ASTN2: variants seen among roughly 807,000 people sequenced by gnomAD.
The protein encoded by ASTN2 is astrotactin-2.
Under a neutral mutation model 139.8 loss-of-function variants are expected in ASTN2, and 54 were observed. The ratio of observed to expected loss-of-function variants is 0.39; its 90% CI spans 0.31 to 0.48. The LOEUF is 0.48. ASTN2 is among the 20% of genes least tolerant of loss of function. ASTN2 has a pLI of 0.95. For missense variants in ASTN2, 1,565 were observed against 1,725.1 expected (o/e 0.91, Z 1.64); for synonymous variants, 756 against 719.5 (o/e 1.05, Z -0.81).
At chr9:116,640,035 G>C (rs1208272444) in intron 17 of ASTN2, among the ~76,000 whole-genome samples, 2 of 152,042 alleles carry the variant, frequency 1.3e-5, no homozygotes, top group African/African-American at 2.4e-5. Context: ...CTGGTTTCAT[G>C]AAGTTTACCT....
chr9:116,786,687 T>A (rs1830387823), intron 13 of ASTN2, among the ~76,000 whole-genome samples: 1 of 152,202 alleles, frequency 6.6e-6, no homozygotes, highest in Non-Finnish European at 1.5e-5. Flanking sequence ...ACTGTTTGTG[T>A]TTTTAAACTT....
rs1008893191 is a variant in ASTN2, at chr9:117,394,610, T to C, written c.442+19887A>G. 2.6e-5 allele frequency among the ~76,000 whole-genome samples: 4 copies of C among 152,284 alleles called. No homozygotes were observed. In the South Asian group the frequency reaches 8.3e-4, roughly 32 times the overall value. ...ATGTTTCTGTGAGGAAAGTAGCTTA[T>C]ACGAAACAGGTAAGTTCCACCAGCA... is the stretch of plus-strand genomic sequence containing the variant. On this transcript the variant is annotated intron_variant, in intron 1 of 22. Coordinates refer to ENST00000313400, the MANE Select transcript of ASTN2 (RefSeq NM_001365068.1).
intron 1 of ASTN2, among the ~76,000 whole-genome samples, chr9:117,368,932 T>C (rs1316560035): frequency 2.6e-5 from 4 of 152,182 alleles, no homozygotes; most frequent in Non-Finnish European, 4.4e-5. Context: ...AGAATAGTTC[T>C]GCTTGAACTT....
At chr9:117,339,294 G>A (rs1167147584) in intron 1 of ASTN2, among the ~76,000 whole-genome samples, 2 of 152,070 alleles carry the variant, frequency 1.3e-5, no homozygotes, top group Non-Finnish European at 2.9e-5. Context: ...CTAACTCCAC[G>A]AGCGCTCTTT....
chr9:117,289,667 A>G (rs905288212), intron 2 of ASTN2, among the ~76,000 whole-genome samples: 15 of 152,210 alleles, frequency 9.9e-5, no homozygotes, highest in African/African-American at 2.9e-4. Context: ...TCTTCCTAAC[A>G]TTAGATGGTG....
chr9:116,895,431 G>A (rs1272950890), intron 10 of ASTN2, among the ~76,000 whole-genome samples: 22 of 152,114 alleles, frequency 1.4e-4, no homozygotes. Context: ...TAAGCACCAG[G>A]GGTCAAGTCT....
At position 116,512,967 on chromosome 9, in the gene ASTN2, G is replaced by C. The variant is rs149821038; in HGVS notation, c.3356-25467C>G. 8.1e-3 allele frequency among the ~76,000 whole-genome samples: 1,235 copies of C among 152,250 alleles called. 29 individuals are homozygous for C. The highest frequency in any genetic ancestry group is 0.066 in the East Asian group (341 of 5,176). ...GACTCTTTATCCAATTTGCCAATCT[G>C]TGTCTTTTAATCGGAGCATTTAGCC... On this transcript the variant is annotated intron_variant, in intron 19 of 22. Coordinates refer to ENST00000313400, the MANE Select transcript of ASTN2 (RefSeq NM_001365068.1).
At chr9:117,100,503 G>C (rs968121067) in intron 4 of ASTN2, among the ~76,000 whole-genome samples, 12 of 152,158 alleles carry the variant, frequency 7.9e-5, no homozygotes, top group Admixed American at 7.9e-4. Context: ...TTAACATAAA[G>C]TTATTACCGA....
At chr9:117,016,788 G>GTT (rs1837723370) in intron 6 of ASTN2, among the ~76,000 whole-genome samples, 2 of 56,940 alleles carry the variant, frequency 3.5e-5, no homozygotes. Context: ...ATATATATAG[G>GTT]TTATATATAG....
intron 13 of ASTN2, among the ~76,000 whole-genome samples, chr9:116,746,824 C>T (rs1350038861): frequency 6.6e-6 from 1 of 152,118 alleles, no homozygotes; most frequent in Non-Finnish European, 1.5e-5. Context: ...CTCATTGGAC[C>T]ATGAGCACTC....
intron 2 of ASTN2, among the ~76,000 whole-genome samples, chr9:117,216,232 T>G (rs758323758): frequency 1.3e-5 from 2 of 152,244 alleles, no homozygotes; most frequent in Non-Finnish European, 1.5e-5. Context: ...GCCATCCTGC[T>G]GACTGTATTT....
At chr9:116,480,524 A>C (rs1217162427) in intron 20 of ASTN2, among the ~76,000 whole-genome samples, 1 of 152,218 alleles carries the variant, frequency 6.6e-6, no homozygotes, top group Non-Finnish European at 1.5e-5. Context: ...GCAGGCACAG[A>C]CCTTGGTCCA....
At chr9:116,882,526 A>G (rs540499229) in intron 10 of ASTN2, among the ~76,000 whole-genome samples, 5 of 152,306 alleles carry the variant, frequency 3.3e-5, no homozygotes, top group African/African-American at 1.2e-4. Flanking sequence ...AACAGTCATT[A>G]TGTTTGAGCT....
At position 116,698,295 on chromosome 9, in the gene ASTN2, C is replaced by T; in HGVS notation, c.2806+27476G>A. ...CCTTCAGGCAAGGTATAAAGCAGTTCTCCAGGAGTATGGGCATGAGGAGCG... is the reference window on the plus strand; with the variant it reads ...CCTTCAGGCAAGGTATAAAGCAGTTTTCCAGGAGTATGGGCATGAGGAGCG... On this transcript the variant is annotated intron_variant, in intron 16 of 22. Coordinates refer to ENST00000313400, the MANE Select transcript of ASTN2 (RefSeq NM_001365068.1). The surrounding 1 kb of genome is among the most constrained non-coding windows in gnomAD (Gnocchi z 4.4). The T allele has an allele frequency of 1.2e-6, 2 of 1,614,156 alleles. No homozygotes were observed. The highest frequency in any genetic ancestry group is 1.7e-6 in the Non-Finnish European group (2 of 1,180,034).
intron 17 of ASTN2, among the ~76,000 whole-genome samples, chr9:116,633,993 C>A (rs548325688): frequency 6.6e-6 from 1 of 152,002 alleles, no homozygotes; most frequent in Admixed American, 6.6e-5. Context: ...TTACACGTGA[C>A]GGAGGGATGG....
At chr9:116,461,090 T>C (rs989426313) in intron 20 of ASTN2, among the ~76,000 whole-genome samples, 13 of 152,060 alleles carry the variant, frequency 8.5e-5, no homozygotes, top group Non-Finnish European at 1.6e-4. Flanking sequence ...CCCAGTTCCT[T>C]CCCTCACCTC....
chr9:116,638,130 T>C (rs143828482), intron 17 of ASTN2, among the ~76,000 whole-genome samples: 67 of 152,292 alleles, frequency 4.4e-4, no homozygotes, highest in Non-Finnish European at 8.8e-4. Flanking sequence ...TTTCTTCTCG[T>C]AGCCTCTGTT....
intron 4 of ASTN2, among the ~76,000 whole-genome samples, chr9:117,105,622 A>G (rs976789112): frequency 4.6e-5 from 7 of 152,128 alleles, no homozygotes; most frequent in African/African-American, 1.7e-4. Flanking sequence ...TTGGGATGTT[A>G]TATCATGCAA....
chr9:116,713,734 G>C (rs1564227562), intron 16 of ASTN2, among the ~76,000 whole-genome samples: 2 of 152,124 alleles, frequency 1.3e-5, no homozygotes, highest in Admixed American at 6.5e-5. Flanking sequence ...CTGTGCCTTT[G>C]GGTTGTATAT....
Sources: allele counts gnomAD v4.1 joint callset (sites outside exome capture counted in the v4.1 genomes callset), GRCh38; gene constraint gnomAD v4.1.1; non-coding constraint Gnocchi (gnomAD v3.1); transcripts MANE v1.5; gene names NCBI Gene and HGNC (gene_info 2026-07-23, HGNC 2026-07-21).